Variants in ENTPD1 observed in about 807,000 individuals in gnomAD.
ENTPD1 encodes the protein ATP diphosphohydrolase.
In ENTPD1, 33 loss-of-function variants were observed where a neutral mutation model predicts 57.0. The ratio of observed to expected loss-of-function variants is 0.58; its 90% CI spans 0.44 to 0.77. The LOEUF (loss-of-function observed/expected upper bound fraction) is 0.77. Ranked by LOEUF, ENTPD1 falls within the 30% of genes least tolerant of loss-of-function variation. ENTPD1 has a pLI of 0.00. For missense variants in ENTPD1, 501 were observed against 603.4 expected (o/e 0.83, Z 1.78); for synonymous variants, 202 against 218.8 (o/e 0.92, Z 0.68).
intron 1 of ENTPD1, among the ~76,000 whole-genome samples, chr10:95,809,565 G>A (rs1419894294): frequency 1.5e-5 from 2 of 132,924 alleles, no homozygotes; most frequent in Non-Finnish European, 3.3e-5. Flanking sequence ...GGCGGATGCT[G>A]GGCAGAGGCG....
chr10:95,845,975 AG>A lies in ENTPD1; in HGVS notation c.813+380del, dbSNP rs748469577. The A allele has an allele frequency of 7.1e-3, 879 of 123,868 alleles. 6 individuals are homozygous for A. The highest frequency in any genetic ancestry group is 0.011 in the Non-Finnish European group (588 of 52,052). 7.7% of individuals were successfully genotyped at this position (123,868 alleles called of 1,614,324 possible). ...CCTTTCCTACAAACTACAAAAAAAC[AG>A]AGTTGTTAGAAATGACCTGGAGAGG... On this transcript the variant is annotated intron_variant, in intron 6 of 9. Transcript: ENST00000371205.
intron 1 of ENTPD1, among the ~76,000 whole-genome samples, chr10:95,736,975 C>CTG (rs1466863728): frequency 6.6e-6 from 1 of 152,110 alleles, no homozygotes; most frequent in Non-Finnish European, 1.5e-5. Context: ...GTAATTTTGT[C>CTG]TGTGTGTGTG....
intron 7 of ENTPD1, among the ~76,000 whole-genome samples, chr10:95,856,714 C>T (rs2098455611): frequency 6.7e-6 from 1 of 149,456 alleles, no homozygotes; most frequent in Non-Finnish European, 1.5e-5. Context: ...GAATACTACT[C>T]AGCCATAAAA....
In ENTPD1 at chr10:95,807,969, G is replaced by C. The variant is rs2098279956; in HGVS notation, c.17-15268G>C. ...TCCAATACTATGTTAAATAGGAGTG[G>C]TGACAGAGGACATCCTTGCCTTGTG... On this transcript the variant is annotated intron_variant, in intron 1 of 9. Coordinates refer to ENST00000371205, the MANE Select transcript of ENTPD1 (RefSeq NM_001776.6). 3.9e-5 allele frequency among the ~76,000 whole-genome samples: 6 copies of C among 152,122 alleles called. No individual in the cohort carries two copies. In the South Asian group the frequency reaches 1.2e-3, roughly 32 times the overall value.
the ENTPD1 span, among the ~76,000 whole-genome samples, chr10:95,697,011 C>T: frequency 7.0e-4 from 106 of 152,272 alleles, no homozygotes; most frequent in African/African-American, 2.4e-3. Flanking sequence ...AAGGTGTGCT[C>T]TCATGGGCCA....
At chr10:95,701,521 G>C in the ENTPD1 span, among the ~76,000 whole-genome samples, 1,247 of 152,134 alleles carry the variant, frequency 8.2e-3, 17 homozygotes, top group African/African-American at 0.029. Flanking sequence ...TCCATAAATA[G>C]ATAGATTAAA....
At chr10:95,841,523 A>G (rs989959056) in intron 3 of ENTPD1, among the ~76,000 whole-genome samples, 5 of 152,246 alleles carry the variant, frequency 3.3e-5, no homozygotes, top group Non-Finnish European at 7.3e-5. Flanking sequence ...TTTCTGAATC[A>G]AAACAATTAG....
At chr10:95,809,228 G>A (rs2098286065) in intron 1 of ENTPD1, among the ~76,000 whole-genome samples, 1 of 152,192 alleles carries the variant, frequency 6.6e-6, no homozygotes. Context: ...TTCTCAATGA[G>A]TTATTGGGTA....
the ENTPD1 span, chr10:95,694,232 C>T: frequency 6.0e-5 from 21 of 347,134 alleles, 2 homozygotes; most frequent in South Asian, 5.5e-4. Flanking sequence ...CACTTCGCGG[C>T]CCAGAGGACT....
At chr10:95,813,338 C>T (rs1009982974) in intron 1 of ENTPD1, among the ~76,000 whole-genome samples, 3 of 152,298 alleles carry the variant, frequency 2.0e-5, no homozygotes, top group African/African-American at 7.2e-5. Context: ...GAGCCTTCTG[C>T]TTCTCCATGT....
intron 1 of ENTPD1, among the ~76,000 whole-genome samples, chr10:95,732,662 A>G (rs1476628519): frequency 1.3e-5 from 2 of 152,060 alleles, no homozygotes; most frequent in African/African-American, 2.4e-5. Context: ...GTTCTTTTCT[A>G]TTTCCCTAAG....
In ENTPD1 at chr10:95,866,793, A is replaced by G; in HGVS notation, c.*410A>G. On this transcript the variant is annotated 3_prime_UTR_variant, in exon 10 of 10. Coordinates refer to ENST00000371205, the MANE Select transcript of ENTPD1 (RefSeq NM_001776.6). ...GGAACTGGTTCAGTTGTACTCTTTA[A>G]GAACCCCTTTCTCTCTCCTGTTTGC... is the stretch of plus-strand genomic sequence containing the variant. 1 of 1,077,682 alleles carries G rather than the reference A, an allele frequency of 9.3e-7. No individual in the cohort carries two copies. The highest frequency in any genetic ancestry group is 1.1e-6 in the Non-Finnish European group (1 of 885,174). 66.8% of individuals were successfully genotyped at this position (1,077,682 alleles called of 1,614,324 possible). A position where few individuals can be genotyped will look rare whatever the true frequency, so the allele number is the denominator to read the frequency against.
chr10:95,754,672 A>G (rs1239407493), upstream of ENTPD1: 1 of 152,242 alleles, frequency 6.6e-6, no homozygotes, highest in African/African-American at 2.4e-5. Flanking sequence ...ACCAATATTC[A>G]TTATTAGAGA....
At chr10:95,826,832 AG>A (rs147109208) in intron 2 of ENTPD1, among the ~76,000 whole-genome samples, 5,670 of 152,224 alleles carry the variant, frequency 0.037, 128 homozygotes, top group Non-Finnish European at 0.049. Flanking sequence ...GAATTAGAGG[AG>A]GATGAGATAT....
At chr10:95,750,012 G>T (rs2098010060) in intron 1 of ENTPD1, among the ~76,000 whole-genome samples, 1 of 152,152 alleles carries the variant, frequency 6.6e-6, no homozygotes, top group South Asian at 2.1e-4. Context: ...GGTAGCAGTA[G>T]AAGTAATAAG....
chr10:95,778,656 A>G (rs1378350828), intron 1 of ENTPD1, among the ~76,000 whole-genome samples: 3 of 152,144 alleles, frequency 2.0e-5, no homozygotes, highest in Non-Finnish European at 2.9e-5. Flanking sequence ...TACTGTTTAA[A>G]TTTCTAAAAT....
intron 1 of ENTPD1, among the ~76,000 whole-genome samples, chr10:95,813,753 T>C (rs2098318386): frequency 6.6e-6 from 1 of 152,160 alleles, no homozygotes; most frequent in South Asian, 2.1e-4. Flanking sequence ...TTTTCTATAG[T>C]AATATTTGTA....
intron 1 of ENTPD1, among the ~76,000 whole-genome samples, chr10:95,788,687 T>C (rs933074859): frequency 2.6e-5 from 4 of 152,028 alleles, no homozygotes; most frequent in African/African-American, 9.7e-5. Context: ...GATTATACAA[T>C]AATAAATAAT....
At position 95,858,091 on chromosome 10, in the gene ENTPD1, A is replaced by T. The variant is rs1389345562; in HGVS notation, c.1075-2378A>T. ...GAGAATGGCGTGAACCCGGACGCAG[A>T]GCTTGCAGTGAGCCGAGATCGCGCC... On this transcript the variant is annotated intron_variant, in intron 7 of 9. Transcript: ENST00000371205. Among the ~76,000 whole-genome samples, 3 of 151,096 alleles carry T rather than the reference A, an allele frequency of 2.0e-5. No homozygotes were observed. In the Admixed American group the frequency reaches 2.0e-4, roughly 10 times the overall value.
Sources: allele counts gnomAD v4.1 joint callset (sites outside exome capture counted in the v4.1 genomes callset), GRCh38; gene constraint gnomAD v4.1.1; transcripts MANE v1.5; gene names NCBI Gene and HGNC (gene_info 2026-07-23, HGNC 2026-07-21).